The following KLHL4 variants were observed in gnomAD, a reference collection of about 807,000 sequenced individuals.
KLHL4 encodes kelch-like protein 4.
In KLHL4, 17 loss-of-function variants were observed where a neutral mutation model predicts 45.8. That is an observed-to-expected ratio of 0.37 (90% CI 0.25 to 0.56). KLHL4 has a LOEUF of 0.56. Among genes scored for constraint, KLHL4 ranks in the 20% least tolerant of loss-of-function variants. The pLI is 0.79. For synonymous variants in KLHL4, 224 were observed against 189.9 expected, an observed-to-expected ratio of 1.18 and a Z score of -1.47; for missense variants, 544 against 544.9, an observed-to-expected ratio of 1.00 and a Z score of 0.02.
At chrX:87,530,000 A>T (rs1196160231) in intron 1 of KLHL4, among the ~76,000 whole-genome samples, 1 of 111,680 alleles carries the variant, frequency 9.0e-6, no homozygotes, top group Non-Finnish European at 1.9e-5. Flanking sequence ...TAGTGTGATA[A>T]AAATTCATCT....
rs1924511856 is a variant in KLHL4 at position 87,669,932 on chromosome X, G to A, written c.*3398G>A. The A allele has an allele frequency of 8.9e-6, 1 of 112,732 alleles. No homozygotes were observed. The highest frequency in any genetic ancestry group is 1.9e-5 in the Non-Finnish European group (1 of 53,830). 9.3% of individuals were successfully genotyped at this position (112,732 alleles called of 1,213,427 possible). On this transcript the variant is annotated 3_prime_UTR_variant, in exon 11 of 11. Transcript: ENST00000373119. Reference sequence around the variant, plus strand: ...TGAATTATGGGTAAGGTGATAATATGTTTAATTAGCTTGATTTAATCATCC... The same window carrying A: ...TGAATTATGGGTAAGGTGATAATATATTTAATTAGCTTGATTTAATCATCC...
At chrX:87,536,864 A>AACTGTAT (rs893810894) in intron 1 of KLHL4, among the ~76,000 whole-genome samples, 4 of 111,659 alleles carry the variant, frequency 3.6e-5, no homozygotes, top group African/African-American at 1.3e-4. Context: ...TTTAAGAAAG[A>AACTGTAT]ACTGTATAGG....
chrX:87,622,294 C>T lies in KLHL4; in HGVS notation c.1008C>T (p.Asp336=), dbSNP rs919526759. Residue 336 remains aspartate, a synonymous_variant, in exon 5 of 11, where the codon GAC becomes GAT. Transcript: ENST00000373119. ...TTTCAAAACTTCTGTGCAGTGATGACATTAATGTGCCTGATGAAGAGACCA... is the reference window on the plus strand; with the variant it reads ...TTTCAAAACTTCTGTGCAGTGATGATATTAATGTGCCTGATGAAGAGACCA... ...NEISKLLCSD[D]INVPDEETIF... 6 of 1,206,116 alleles carry T rather than the reference C, an allele frequency of 5.0e-6. No homozygotes were observed. Among genetic ancestry groups the T allele is most frequent in the Non-Finnish European group, 6.7e-6 (6 of 890,626 alleles).
chrX:87,542,903 C>T (rs1931593593), intron 1 of KLHL4, among the ~76,000 whole-genome samples: 2 of 111,568 alleles, frequency 1.8e-5, no homozygotes, highest in African/African-American at 3.3e-5. Context: ...GGTTCAATGT[C>T]CCCATCCAAA....
chrX:87,535,384 C>G (rs962893355), intron 1 of KLHL4, among the ~76,000 whole-genome samples: 3 of 111,962 alleles, frequency 2.7e-5, no homozygotes, highest in South Asian at 3.7e-4. Flanking sequence ...TTAGGCTGAT[C>G]ACAAAATTAT....
intron 1 of KLHL4, among the ~76,000 whole-genome samples, chrX:87,538,663 G>A (rs968594143): frequency 1.8e-5 from 2 of 111,168 alleles, no homozygotes; most frequent in African/African-American, 6.5e-5. Context: ...TCCTGGAACC[G>A]TGTGGCAAGA....
intron 1 of KLHL4, among the ~76,000 whole-genome samples, chrX:87,551,657 A>G (rs1301017413): frequency 9.2e-6 from 1 of 108,395 alleles, no homozygotes; most frequent in Non-Finnish European, 1.9e-5. Flanking sequence ...AAACTATACT[A>G]TAAGGCCATA....
intron 1 of KLHL4, among the ~76,000 whole-genome samples, chrX:87,528,257 A>G (rs1377104596): frequency 1.8e-5 from 2 of 111,727 alleles, no homozygotes; most frequent in African/African-American, 6.5e-5. Flanking sequence ...AAATAAAAAT[A>G]CAATTGTAAG....
rs41311735 is a variant in KLHL4 at position 87,669,267 on chromosome X, A to T, written c.*2733A>T. 3.4e-6 allele frequency: 4 copies of T among 1,191,339 alleles called. No individual in the cohort carries two copies. Among genetic ancestry groups the T allele is most frequent in the Non-Finnish European group, 4.5e-6 (4 of 886,742 alleles). ...CGTGTTCACGATTCCCTACTCTGCA[A>T]CTCTCAGCATGCATCATGATGATTC... On this transcript the variant is annotated 3_prime_UTR_variant, in exon 11 of 11. Coordinates refer to ENST00000373119, the MANE Select transcript of KLHL4 (RefSeq NM_019117.5).
At chrX:87,551,124 CA>C (rs1209476215) in intron 1 of KLHL4, among the ~76,000 whole-genome samples, 3 of 110,633 alleles carry the variant, frequency 2.7e-5, no homozygotes, top group African/African-American at 9.8e-5. Context: ...AAGACTCCTC[CA>C]AAAAGCTCCT....
chrX:87,655,403 CT>C (rs1923956022), intron 9 of KLHL4, among the ~76,000 whole-genome samples: 1 of 111,934 alleles, frequency 8.9e-6, no homozygotes, highest in South Asian at 3.7e-4. Flanking sequence ...ATTGTTACAT[CT>C]TTTTGTTGAA....
At chrX:87,608,859 C>A (rs1212172985) in intron 1 of KLHL4, among the ~76,000 whole-genome samples, 1 of 110,504 alleles carries the variant, frequency 9.0e-6, no homozygotes, top group Non-Finnish European at 1.9e-5. Context: ...TGTGCTGTAC[C>A]CATTAACTCC....
chrX:87,666,541 CTATCTT>C lies in KLHL4; in HGVS notation c.*12_*17del. The C allele has an allele frequency of 8.4e-7, 1 of 1,185,281 alleles. No homozygotes were observed. The highest frequency in any genetic ancestry group is 1.1e-6 in the Non-Finnish European group (1 of 881,260). ...AGTGGTGAAGCTACCCTAAAGCTAT[CTATCTT>C]TATCAAATGGAATGAAACTAGATAA... On this transcript the variant is annotated 3_prime_UTR_variant, in exon 11 of 11. Coordinates refer to ENST00000373119, the MANE Select transcript of KLHL4 (RefSeq NM_019117.5).
At chrX:87,528,813 G>A (rs1430983766) in intron 1 of KLHL4, among the ~76,000 whole-genome samples, 1 of 107,702 alleles carries the variant, frequency 9.3e-6, no homozygotes, top group African/African-American at 3.4e-5. Flanking sequence ...TCCAAGTATG[G>A]CATCTTATCA....
chrX:87,599,049 T>C (rs773733234), intron 1 of KLHL4, among the ~76,000 whole-genome samples: 2 of 110,720 alleles, frequency 1.8e-5, no homozygotes, highest in Non-Finnish European at 3.8e-5. Context: ...CATAATTTGT[T>C]GTATAAGTTA....
At chrX:87,540,262 T>A (rs754344266) in intron 1 of KLHL4, among the ~76,000 whole-genome samples, 1 of 111,160 alleles carries the variant, frequency 9.0e-6, no homozygotes, top group South Asian at 3.8e-4. Context: ...CTACACTAAG[T>A]TAATTAAAAT....
intron 9 of KLHL4, among the ~76,000 whole-genome samples, chrX:87,659,400 G>C (rs1924110299): frequency 9.1e-6 from 1 of 110,144 alleles, no homozygotes; most frequent in South Asian, 3.9e-4. Context: ...TTACAGGCAT[G>C]AGCCAACATG....
At chrX:87,547,245 T>C (rs1218679026) in intron 1 of KLHL4, among the ~76,000 whole-genome samples, 1 of 110,786 alleles carries the variant, frequency 9.0e-6, no homozygotes, top group African/African-American at 3.3e-5. Flanking sequence ...GGTGGTTTTT[T>C]CCATGCTGTT....
At chrX:87,551,603 A>T (rs1196576205) in intron 1 of KLHL4, among the ~76,000 whole-genome samples, 1 of 109,236 alleles carries the variant, frequency 9.2e-6, no homozygotes, top group Non-Finnish European at 1.9e-5. Context: ...AGATAGATAG[A>T]TAGATAGAAA....
Sources: gnomAD v4.1 joint callset for allele counts (sites outside exome capture counted in the v4.1 genomes callset) on GRCh38, gnomAD v4.1.1 for gene constraint, MANE v1.5 for transcripts, NCBI Gene and HGNC (gene_info 2026-07-23, HGNC 2026-07-21) for gene names.